Variants in ANKS1B observed in about 807,000 individuals in gnomAD.
ANKS1B encodes ankyrin repeat and sterile alpha motif domain-containing protein 1B.
Under a neutral mutation model 148.3 loss-of-function variants are expected in ANKS1B, and 36 were observed. That is an observed-to-expected ratio of 0.24 (90% CI 0.19 to 0.32). The LOEUF (loss-of-function observed/expected upper bound fraction) is 0.32, where lower values mean the gene tolerates loss of function less well. Ranked by LOEUF, ANKS1B falls within the 10% of genes least tolerant of loss-of-function variation. The pLI is 1.00. For synonymous variants in ANKS1B, 542 were observed against 560.8 expected, an observed-to-expected ratio of 0.97 and a Z score of 0.47; for missense variants, 1,157 against 1,542.6, an observed-to-expected ratio of 0.75 and a Z score of 4.19.
rs2094988524 is a variant in ANKS1B, at chr12:99,943,991, C to T, written c.134+40113G>A. ...GCGACAGGCCCCAGTGTGTGATGTT[C>T]CCCTCCCTGTGCCCATATGTTCTCA... On this transcript the variant is annotated intron_variant, in intron 1 of 26. Coordinates refer to ENST00000683438, the MANE Select transcript of ANKS1B (RefSeq NM_001352186.2). 2.0e-5 allele frequency among the ~76,000 whole-genome samples: 3 copies of T among 151,716 alleles called. No individual in the cohort carries two copies. In the South Asian group the frequency reaches 6.3e-4, roughly 32 times the overall value.
chr12:99,726,574 G>A (rs985808774), intron 8 of ANKS1B, among the ~76,000 whole-genome samples: 4 of 152,130 alleles, frequency 2.6e-5, no homozygotes, highest in African/African-American at 7.2e-5. Context: ...AGAGGAGCTG[G>A]TGCCATTCCT....
chr12:99,777,733 C>T (rs2153629137), intron 6 of ANKS1B, among the ~76,000 whole-genome samples: 1 of 151,922 alleles, frequency 6.6e-6, no homozygotes, highest in East Asian at 2.0e-4. Context: ...TACAGGCGCC[C>T]ACCACCGCGC....
chr12:99,568,275 G>C (rs2097418598), intron 9 of ANKS1B, among the ~76,000 whole-genome samples: 1 of 152,074 alleles, frequency 6.6e-6, no homozygotes, highest in African/African-American at 2.4e-5. Context: ...ACCTTCAAAA[G>C]CCAGCAGCAT....
intron 12 of ANKS1B, among the ~76,000 whole-genome samples, chr12:99,393,311 C>CA (rs2094140147): frequency 6.6e-6 from 1 of 152,132 alleles, no homozygotes; most frequent in Non-Finnish European, 1.5e-5. Context: ...GAGAATGAGA[C>CA]ACATAGTGGC....
intron 12 of ANKS1B, among the ~76,000 whole-genome samples, chr12:99,249,765 C>T (rs923725): frequency 0.34 from 50,921 of 151,918 alleles, 10,515 homozygotes; most frequent in African/African-American, 0.59. Flanking sequence ...TGCCTTGTAC[C>T]GCTCAATCAG....
chr12:98,876,239 T>C (rs1442274603), intron 17 of ANKS1B, among the ~76,000 whole-genome samples: 1 of 152,204 alleles, frequency 6.6e-6, no homozygotes, highest in African/African-American at 2.4e-5. Context: ...GCACCACATG[T>C]GGGATGCTCC....
chr12:99,660,171 A>C (rs967730142), intron 8 of ANKS1B, among the ~76,000 whole-genome samples: 2 of 152,198 alleles, frequency 1.3e-5, no homozygotes, highest in African/African-American at 4.8e-5. Flanking sequence ...ATTGTAAAAC[A>C]AATCATTCAT....
chr12:99,124,075 C>T (rs2063636669), intron 15 of ANKS1B, among the ~76,000 whole-genome samples: 2 of 152,094 alleles, frequency 1.3e-5, no homozygotes, highest in Admixed American at 1.3e-4. Context: ...CTGAGTGAGA[C>T]AGGAAACGAA....
At chr12:99,115,419 G>A (rs1200774097) in intron 15 of ANKS1B, among the ~76,000 whole-genome samples, 1 of 152,156 alleles carries the variant, frequency 6.6e-6, no homozygotes, top group Non-Finnish European at 1.5e-5. Context: ...GCTAAATTAT[G>A]AGAACTCATG....
At chr12:99,390,971 C>T (rs1016989632) in intron 12 of ANKS1B, among the ~76,000 whole-genome samples, 1 of 152,228 alleles carries the variant, frequency 6.6e-6, no homozygotes, top group Non-Finnish European at 1.5e-5. Context: ...GAGCTCCAGG[C>T]TCTGGCCAGA....
At chr12:99,083,602 T>C (rs553474898) in intron 16 of ANKS1B, among the ~76,000 whole-genome samples, 1 of 152,182 alleles carries the variant, frequency 6.6e-6, no homozygotes. Context: ...TTAAAATTAT[T>C]TTTTGAATTG....
chr12:99,067,377 T>A (rs181233384), intron 16 of ANKS1B, among the ~76,000 whole-genome samples: 2 of 152,198 alleles, frequency 1.3e-5, no homozygotes, highest in Non-Finnish European at 2.9e-5. Flanking sequence ...CAGACATCAG[T>A]ACCTTTGACA....
At chr12:99,544,794 T>G (rs1320175866) in intron 9 of ANKS1B, among the ~76,000 whole-genome samples, 2 of 152,174 alleles carry the variant, frequency 1.3e-5, no homozygotes, top group African/African-American at 4.8e-5. Context: ...CTCCAGCACC[T>G]GGTCCCATGC....
intron 16 of ANKS1B, among the ~76,000 whole-genome samples, chr12:99,058,639 A>G (rs1017786952): frequency 8.1e-5 from 12 of 148,106 alleles, no homozygotes; most frequent in African/African-American, 3.0e-4. Flanking sequence ...CATGTAATAT[A>G]CCTCCACATC....
intron 24 of ANKS1B, among the ~76,000 whole-genome samples, chr12:98,774,777 G>A (rs189147423): frequency 4.5e-4 from 68 of 152,228 alleles, no homozygotes; most frequent in African/African-American, 1.4e-3. Context: ...TGAGTGGTTC[G>A]GAGGCAATTA....
At chr12:99,848,631 G>A (rs1157053086) in intron 1 of ANKS1B, among the ~76,000 whole-genome samples, 3 of 152,080 alleles carry the variant, frequency 2.0e-5, no homozygotes, top group Non-Finnish European at 2.9e-5. Flanking sequence ...AAATGACGCT[G>A]AGTCAATTTC....
intron 16 of ANKS1B, among the ~76,000 whole-genome samples, chr12:99,076,272 C>T (rs1044596055): frequency 1.3e-5 from 2 of 151,984 alleles, no homozygotes; most frequent in Non-Finnish European, 2.9e-5. Flanking sequence ...ATAGCAGAAG[C>T]TATGCAGGCA....
intron 12 of ANKS1B, among the ~76,000 whole-genome samples, chr12:99,314,997 C>A (rs947694657): frequency 2.0e-5 from 3 of 152,080 alleles, no homozygotes; most frequent in Admixed American, 6.6e-5. Context: ...GTAATCCCAG[C>A]ACTTTAGGAG....
At chr12:99,250,212 G>C (rs60158056) in intron 12 of ANKS1B, among the ~76,000 whole-genome samples, 264 of 152,328 alleles carry the variant, frequency 1.7e-3, no homozygotes, top group African/African-American at 6.1e-3. Context: ...CATAAGAACT[G>C]TACCTAGTTG....
Sources: allele counts gnomAD v4.1 joint callset (sites outside exome capture counted in the v4.1 genomes callset), GRCh38; gene constraint gnomAD v4.1.1; transcripts MANE v1.5; gene names NCBI Gene and HGNC (gene_info 2026-07-23, HGNC 2026-07-21).